The following ALMS1 variants were observed in gnomAD, a reference collection of about 807,000 sequenced individuals.
ALMS1 encodes centrosome-associated protein ALMS1.
In ALMS1, 271 loss-of-function variants were observed where a neutral mutation model predicts 352.2. The observed-to-expected ratio is 0.77, with a 90% confidence interval of 0.70 to 0.85. The LOEUF (loss-of-function observed/expected upper bound fraction) is 0.85. ALMS1 is among the 40% of genes least tolerant of loss of function. The pLI, the probability that ALMS1 is intolerant of heterozygous loss-of-function variation, is 0.00. For missense variants in ALMS1, 5,445 were observed against 4,870.7 expected (o/e 1.12, Z -3.51); for synonymous variants, 1,865 against 1,761.2 (o/e 1.06, Z -1.48).
intron 1 of ALMS1, among the ~76,000 whole-genome samples, chr2:73,391,442 C>T (rs562489558): frequency 1.5e-4 from 22 of 151,468 alleles, no homozygotes; most frequent in African/African-American, 4.1e-4. Context: ...TACAGGCGCC[C>T]GCCACCACGC....
chr2:73,415,394 TCA>T (rs1366149693), intron 2 of ALMS1, among the ~76,000 whole-genome samples: 1 of 152,042 alleles, frequency 6.6e-6, no homozygotes, highest in African/African-American at 2.4e-5. Context: ...AGTGGGAGAA[TCA>T]CATAGGAAGG....
chr2:73,419,066 A>G (rs1056539661), intron 2 of ALMS1, 57 bp from the exon 3 acceptor site: 2 of 1,390,558 alleles, frequency 1.4e-6, no homozygotes, highest in Non-Finnish European at 2.0e-6. Flanking sequence ...TCTAAATATT[A>G]ATATGTATGG....
chr2:73,606,722 G>T (rs544865300), intron 21 of ALMS1, among the ~76,000 whole-genome samples: 1 of 152,268 alleles, frequency 6.6e-6, no homozygotes, highest in South Asian at 2.1e-4. Flanking sequence ...ACAACCCAGA[G>T]AGGGGAAGTA....
Position 73,408,511 on chromosome 2 carries a change from T to C in ALMS1, c.325-111T>C, listed in dbSNP as rs1378029476. On this transcript the variant is annotated intron_variant, in intron 1 of 22. Transcript: ENST00000613296. ...GGTTGTGAAATCAAAATGTCGTATATGTGAAAGGGCTTTATAAACTGGGAA... is the reference window on the plus strand; with the variant it reads ...GGTTGTGAAATCAAAATGTCGTATACGTGAAAGGGCTTTATAAACTGGGAA... 3 of 1,248,662 alleles carry C rather than the reference T, an allele frequency of 2.4e-6. No individual in the cohort carries two copies. The African/African-American group carries it at 4.5e-5, about 19-fold the overall frequency. 77.3% of individuals were successfully genotyped at this position (1,248,662 alleles called of 1,614,324 possible).
At chr2:73,464,415 T>C (rs1391537018) in intron 9 of ALMS1, among the ~76,000 whole-genome samples, 1 of 152,202 alleles carries the variant, frequency 6.6e-6, no homozygotes, top group African/African-American at 2.4e-5. Context: ...CTAGAAACTC[T>C]CAATAAATGA....
At chr2:73,591,680 G>A (rs6760433) in intron 16 of ALMS1, among the ~76,000 whole-genome samples, 1 of 152,162 alleles carries the variant, frequency 6.6e-6, no homozygotes. Flanking sequence ...GATATCATGA[G>A]TGAGATGAAG....
intron 1 of ALMS1, among the ~76,000 whole-genome samples, chr2:73,387,271 G>C (rs1240934810): frequency 6.6e-6 from 1 of 152,196 alleles, no homozygotes; most frequent in Non-Finnish European, 1.5e-5. Flanking sequence ...AGGAAAGCTT[G>C]GTGAACCCAA....
At chr2:73,466,744 G>T (rs1672356143) in intron 9 of ALMS1, among the ~76,000 whole-genome samples, 1 of 152,212 alleles carries the variant, frequency 6.6e-6, no homozygotes, top group East Asian at 1.9e-4. Flanking sequence ...CAAAAGATGT[G>T]TTAAGTATGT....
intron 13 of ALMS1, among the ~76,000 whole-genome samples, chr2:73,555,665 A>G (rs939860847): frequency 4.6e-5 from 7 of 152,192 alleles, no homozygotes; most frequent in African/African-American, 7.2e-5. Context: ...AAAGACATGA[A>G]ACAGCCTGGG....
intron 16 of ALMS1, among the ~76,000 whole-genome samples, chr2:73,592,152 T>A (rs1045530595): frequency 1.3e-5 from 2 of 152,232 alleles, no homozygotes; most frequent in African/African-American, 4.8e-5. Context: ...CCAAAATAAA[T>A]TTTTCAAGAA....
At position 73,602,281 on chromosome 2, in the gene ALMS1, A is replaced by G; in HGVS notation, c.12211A>G (p.Met4071Val). 1.2e-6 allele frequency: 2 copies of G among 1,614,212 alleles called. No individual in the cohort carries two copies. Among genetic ancestry groups the G allele is most frequent in the Non-Finnish European group, 1.7e-6 (2 of 1,180,028 alleles). The change falls in exon 20 of 23, where the codon ATG becomes GTG. Residue 4071 changes from methionine to valine, a missense_variant. Met to Val is a conservative substitution (Grantham distance 21). Coordinates refer to ENST00000613296, the MANE Select transcript of ALMS1 (RefSeq NM_001378454.1). ...LIVQERKLQS[M>V]LQTERDALFN... ...AGTCCAGGAGAGGAAGCTGCAGAGC[A>G]TGTTACAGACCGAGCGGGATGCACT...
chr2:73,462,063 T>C (rs1232571872), intron 9 of ALMS1, among the ~76,000 whole-genome samples: 1 of 151,706 alleles, frequency 6.6e-6, no homozygotes, highest in African/African-American at 2.4e-5. Flanking sequence ...TTCCCCAATC[T>C]AGCAAGGCAG....
chr2:73,394,589 A>T (rs1193353951), intron 1 of ALMS1, among the ~76,000 whole-genome samples: 1 of 152,028 alleles, frequency 6.6e-6, no homozygotes, highest in African/African-American at 2.4e-5. Context: ...ACTTCAAGTG[A>T]TCCACCTGCC....
chr2:73,436,348 T>A (rs1290200987), intron 7 of ALMS1, among the ~76,000 whole-genome samples: 2 of 152,226 alleles, frequency 1.3e-5, no homozygotes, highest in Non-Finnish European at 2.9e-5. Context: ...TTATGATATG[T>A]CTCTATGTGA....
intron 15 of ALMS1, among the ~76,000 whole-genome samples, chr2:73,560,314 A>G (rs1283387744): frequency 1.3e-5 from 2 of 152,350 alleles, no homozygotes; most frequent in African/African-American, 4.8e-5. Context: ...CTCTCTAATC[A>G]TAAGAGAGAT....
chr2:73,529,828 G>T (rs1427888874), intron 11 of ALMS1, among the ~76,000 whole-genome samples: 1 of 152,178 alleles, frequency 6.6e-6, no homozygotes, highest in Non-Finnish European at 1.5e-5. Context: ...CATGGCAGAA[G>T]GTGAAGGGAA....
At chr2:73,516,507 T>C (rs1188205820) in intron 10 of ALMS1, among the ~76,000 whole-genome samples, 1 of 152,232 alleles carries the variant, frequency 6.6e-6, no homozygotes, top group Non-Finnish European at 1.5e-5. Context: ...TATCATATTA[T>C]TGCTATTCAC....
chr2:73,493,970 T>G (rs1195635443), intron 10 of ALMS1, among the ~76,000 whole-genome samples: 1 of 152,230 alleles, frequency 6.6e-6, no homozygotes, highest in Non-Finnish European at 1.5e-5. Context: ...TTAGGTTGTC[T>G]CAGAACGTTG....
chr2:73,571,247 C>G (rs1430612042), intron 15 of ALMS1, among the ~76,000 whole-genome samples: 1 of 152,048 alleles, frequency 6.6e-6, no homozygotes, highest in African/African-American at 2.4e-5. Flanking sequence ...GAAAAGGATC[C>G]CATCATTGCA....
Sources: allele counts gnomAD v4.1 joint callset (sites outside exome capture counted in the v4.1 genomes callset), GRCh38; gene constraint gnomAD v4.1.1; transcripts MANE v1.5; gene names NCBI Gene and HGNC (gene_info 2026-07-23, HGNC 2026-07-21).